THSD7A: variants seen among roughly 807,000 people sequenced by gnomAD.
THSD7A encodes the protein thrombospondin type-1 domain-containing protein 7A.
THSD7A carries 96 observed loss-of-function variants against 231.3 expected under a neutral mutation model. The observed-to-expected ratio is 0.41, with a 90% CI of 0.35 to 0.49. The LOEUF (loss-of-function observed/expected upper bound fraction) is 0.49, where lower values mean the gene tolerates loss of function less well. Ranked by LOEUF, THSD7A falls within the 20% of genes least tolerant of loss-of-function variation. THSD7A has a pLI of 0.05. For synonymous variants in THSD7A, 940 were observed against 743.3 expected (o/e 1.26, Z -4.30); for missense variants, 2,290 against 2,070.2 (o/e 1.11, Z -2.06).
chr7:11,828,497 G>C (rs1785094209), intron 1 of THSD7A, among the ~76,000 whole-genome samples: 2 of 152,016 alleles, frequency 1.3e-5, no homozygotes, highest in African/African-American at 4.8e-5. Context: ...ATAATGTTCT[G>C]TTCATGTGTA....
At chr7:11,676,991 G>GA (rs1385009357) in intron 1 of THSD7A, among the ~76,000 whole-genome samples, 1 of 151,976 alleles carries the variant, frequency 6.6e-6, no homozygotes. Flanking sequence ...TGAAATGAAA[G>GA]AAAAAATGTT....
intron 1 of THSD7A, among the ~76,000 whole-genome samples, chr7:11,766,873 A>T (rs1393957639): frequency 6.6e-6 from 1 of 152,178 alleles, no homozygotes; most frequent in Non-Finnish European, 1.5e-5. Context: ...TTTGAAGAAA[A>T]TCTGGGAAAT....
intron 8 of THSD7A, 27 bp from the exon 9 acceptor site, chr7:11,470,021 G>A (rs1170987494): frequency 7.0e-7 from 1 of 1,422,108 alleles, no homozygotes; most frequent in African/African-American, 1.4e-5. Context: ...GAATTATTAG[G>A]CTTCAATAGT....
rs182692731 is a variant in THSD7A, at chr7:11,763,138, C to T, written c.190+68619G>A. Among the ~76,000 whole-genome samples the T allele has an allele frequency of 6.6e-5, 10 of 152,218 alleles. No individual in the cohort carries two copies. The East Asian group carries it at 1.7e-3, about 26-fold the overall frequency. Reference sequence around the variant, plus strand: ...CCACACTTTGCCATAGCACTAAAGGCCATTCCAAATTGTTTTTCTTTCTTC... The same window carrying T: ...CCACACTTTGCCATAGCACTAAAGGTCATTCCAAATTGTTTTTCTTTCTTC... On this transcript the variant is annotated intron_variant, in intron 1 of 27. Coordinates refer to ENST00000423059, the MANE Select transcript of THSD7A (RefSeq NM_015204.3).
At chr7:11,458,501 G>C (rs1785386553) in intron 11 of THSD7A, among the ~76,000 whole-genome samples, 1 of 152,084 alleles carries the variant, frequency 6.6e-6, no homozygotes, top group Admixed American at 6.6e-5. Flanking sequence ...TTGTTATAAT[G>C]CAACTTTCAC....
At chr7:11,756,697 G>A (rs1338969682) in intron 1 of THSD7A, among the ~76,000 whole-genome samples, 1 of 152,032 alleles carries the variant, frequency 6.6e-6, no homozygotes. Flanking sequence ...GTTTCTATCG[G>A]TTTATTAAGC....
chr7:11,619,448 C>A (rs1398964161), intron 2 of THSD7A, among the ~76,000 whole-genome samples: 1 of 145,960 alleles, frequency 6.9e-6, no homozygotes, highest in Admixed American at 6.9e-5. Flanking sequence ...CTGCTCTGTT[C>A]CCCAGGCTGG....
Position 11,424,727 on chromosome 7 carries a change from A to C in THSD7A, c.3352T>G (p.Cys1118Gly), listed in dbSNP as rs769874808. ...TTTCGGGTTTGCACGCCCTCTCCAC[A>C]GTTCTCCCGCATATTCACAAAGGTC... ...KVTFVNMREN[C>G]GEGVQTRKVR... is the part of the protein sequence containing the mutation. Residue 1118 changes from cysteine (C) to glycine (G), a missense_variant, in exon 16 of 28, where the codon TGT becomes GGT. Transcript: ENST00000423059. 6.2e-7 allele frequency: 1 copy of C among 1,613,954 alleles called. No individual in the cohort carries two copies. The highest frequency in any genetic ancestry group is 8.5e-7 in the Non-Finnish European group (1 of 1,179,874).
chr7:11,561,332 A>G lies in THSD7A; in HGVS notation c.1454-18215T>C, dbSNP rs938125747. Among the ~76,000 whole-genome samples, 6 of 152,298 alleles carry G rather than the reference A, an allele frequency of 3.9e-5. 2 individuals are homozygous for G. The highest frequency in any genetic ancestry group is 6.5e-5 in the Admixed American group (1 of 15,294). On this transcript the variant is annotated intron_variant, in intron 4 of 27. Transcript: ENST00000423059. ...TGATTGAGGCTATCAAGATAATCAC[A>G]TATCAAACCTAGTGGTCTATCAATG...
Position 11,458,699 on chromosome 7 carries a change from C to A in THSD7A, c.2605+1963G>T, listed in dbSNP as rs949134117. The stretch of plus-strand genomic sequence containing the variant: ...CTGAAGATGCTAAAGACCCTTTTAT[C>A]ACAGAGGGAGTGGGTAACAAGTATT... On this transcript the variant is annotated intron_variant, in intron 11 of 27. Coordinates refer to ENST00000423059, the MANE Select transcript of THSD7A (RefSeq NM_015204.3). Among the ~76,000 whole-genome samples the A allele has an allele frequency of 2.0e-5, 3 of 152,068 alleles. No individual in the cohort carries two copies. The East Asian group carries it at 5.8e-4, about 29-fold the overall frequency.
chr7:11,499,916 A>T (rs1787262351), intron 6 of THSD7A, among the ~76,000 whole-genome samples: 1 of 152,208 alleles, frequency 6.6e-6, no homozygotes, highest in African/African-American at 2.4e-5. Flanking sequence ...GTCAATGAAA[A>T]TTTCCCCAAC....
At chr7:11,454,563 CTCT>C (rs1214391100) in intron 11 of THSD7A, among the ~76,000 whole-genome samples, 5 of 145,944 alleles carry the variant, frequency 3.4e-5, no homozygotes, top group Admixed American at 1.4e-4. Flanking sequence ...CAGTGGTTAT[CTCT>C]TTTTTTTTTT....
At chr7:11,768,865 C>G (rs1208623589) in intron 1 of THSD7A, among the ~76,000 whole-genome samples, 1 of 151,726 alleles carries the variant, frequency 6.6e-6, no homozygotes, top group East Asian at 1.9e-4. Context: ...AGAATATAAT[C>G]AACCTCAGCA....
At chr7:11,409,479 T>C (rs1783707155) in intron 19 of THSD7A, among the ~76,000 whole-genome samples, 1 of 152,196 alleles carries the variant, frequency 6.6e-6, no homozygotes, top group Non-Finnish European at 1.5e-5. Context: ...ATAATTAAAA[T>C]TAGTTATTTC....
rs185134131 is a variant in THSD7A, at chr7:11,402,234, C to T, written c.4238-266G>A. On this transcript the variant is annotated intron_variant, in intron 22 of 27. Coordinates refer to ENST00000423059, the MANE Select transcript of THSD7A (RefSeq NM_015204.3). ...TTGTGGCTGACAGGAGCTCATCCACCGTAATTCATCTCTTCTTAGGATACA... is the reference window on the plus strand; with the variant it reads ...TTGTGGCTGACAGGAGCTCATCCACTGTAATTCATCTCTTCTTAGGATACA... 6.2e-3 allele frequency among the ~76,000 whole-genome samples: 943 copies of T among 152,222 alleles called. 2 individuals are homozygous for T. The highest frequency in any genetic ancestry group is 9.5e-3 in the Non-Finnish European group (649 of 68,028).
At chr7:11,743,282 C>T (rs1465008) in intron 1 of THSD7A, among the ~76,000 whole-genome samples, 2 of 151,644 alleles carry the variant, frequency 1.3e-5, no homozygotes, top group Admixed American at 1.3e-4. Context: ...CATCAAACCT[C>T]ATTTACCAGT....
At chr7:11,665,445 T>A (rs1783094699) in intron 1 of THSD7A, among the ~76,000 whole-genome samples, 1 of 152,094 alleles carries the variant, frequency 6.6e-6, no homozygotes, top group Non-Finnish European at 1.5e-5. Flanking sequence ...TGGGTTTTTA[T>A]TGTGTCCTTA....
At chr7:11,758,786 G>A (rs1396096932) in intron 1 of THSD7A, among the ~76,000 whole-genome samples, 3 of 152,030 alleles carry the variant, frequency 2.0e-5, no homozygotes, top group Admixed American at 6.6e-5. Context: ...GTAGATGACC[G>A]GATAGTAAAT....
intron 16 of THSD7A, among the ~76,000 whole-genome samples, chr7:11,420,123 C>T (rs1784095597): frequency 6.6e-6 from 1 of 152,148 alleles, no homozygotes; most frequent in South Asian, 2.1e-4. Flanking sequence ...AAGAAAAACC[C>T]ATTTTCTGGG....
Sources: allele counts gnomAD v4.1 joint callset (sites outside exome capture counted in the v4.1 genomes callset), GRCh38; gene constraint gnomAD v4.1.1; transcripts MANE v1.5; gene names NCBI Gene and HGNC (gene_info 2026-07-23, HGNC 2026-07-21).